The following SGMS1 variants were observed in gnomAD, a reference collection of about 807,000 sequenced individuals.
SGMS1 encodes the protein sphingomyelin synthase 1, also known as phosphatidylcholine:ceramide cholinephosphotransferase 1.
Under a neutral mutation model 46.2 loss-of-function variants are expected in SGMS1, and 13 were observed. The ratio of observed to expected loss-of-function variants is 0.28; its 90% CI spans 0.18 to 0.45. SGMS1 has a LOEUF of 0.45. SGMS1 is among the 20% of genes least tolerant of loss of function. SGMS1 has a pLI of 1.00. For synonymous variants in SGMS1, 203 were observed against 187.8 expected, an observed-to-expected ratio of 1.08 and a Z score of -0.66; for missense variants, 324 against 519.9, an observed-to-expected ratio of 0.62 and a Z score of 3.66.
chr10:50,415,984 T>C (rs1345976715), intron 6 of SGMS1, among the ~76,000 whole-genome samples: 1 of 152,134 alleles, frequency 6.6e-6, no homozygotes, highest in African/African-American at 2.4e-5. Flanking sequence ...AGAAGAAAGT[T>C]ACCGGAGTTC....
At chr10:50,416,687 C>A (rs1025914210) in intron 6 of SGMS1, among the ~76,000 whole-genome samples, 5 of 152,104 alleles carry the variant, frequency 3.3e-5, no homozygotes, top group Admixed American at 2.6e-4. Flanking sequence ...TTGATCAGTT[C>A]AACTCGGAGC....
intron 6 of SGMS1, among the ~76,000 whole-genome samples, chr10:50,372,289 A>G (rs1848448514): frequency 6.6e-6 from 1 of 152,236 alleles, no homozygotes; most frequent in South Asian, 2.1e-4. Flanking sequence ...GACCTATTAT[A>G]TTAACTTCCT....
intron 9 of SGMS1, among the ~76,000 whole-genome samples, chr10:50,308,772 A>C (rs1589378779): frequency 6.6e-6 from 1 of 152,306 alleles, no homozygotes; most frequent in South Asian, 2.1e-4. Flanking sequence ...AAACATCAAA[A>C]TTTCTATTAG....
At chr10:50,395,780 G>A (rs928379590) in intron 6 of SGMS1, among the ~76,000 whole-genome samples, 4 of 152,050 alleles carry the variant, frequency 2.6e-5, no homozygotes, top group East Asian at 1.9e-4. Context: ...TTGATGTTCC[G>A]GCATCACTTT....
chr10:50,613,916 A>G (rs1452968323), intron 1 of SGMS1, among the ~76,000 whole-genome samples: 1 of 152,204 alleles, frequency 6.6e-6, no homozygotes, highest in African/African-American at 2.4e-5. Context: ...CATTGTAGCT[A>G]TGTGACCTCG....
intron 2 of SGMS1, among the ~76,000 whole-genome samples, chr10:50,587,803 T>G (rs751743194): frequency 6.6e-6 from 1 of 152,062 alleles, no homozygotes. Flanking sequence ...TATTTAAGAG[T>G]CAACTGTAGT....
chr10:50,482,983 G>T (rs1361049055), intron 3 of SGMS1, among the ~76,000 whole-genome samples: 4 of 152,176 alleles, frequency 2.6e-5, no homozygotes, highest in Non-Finnish European at 5.9e-5. Context: ...ATGGTAAAGG[G>T]TTCAATTCCA....
At chr10:50,574,853 A>G (rs1028563780) in intron 2 of SGMS1, among the ~76,000 whole-genome samples, 11 of 151,748 alleles carry the variant, frequency 7.2e-5, no homozygotes, top group Non-Finnish European at 1.6e-4. Context: ...AATTACCCTG[A>G]TCTGATCACA....
chr10:50,503,172 T>C (rs1837676105), intron 3 of SGMS1, among the ~76,000 whole-genome samples: 1 of 152,216 alleles, frequency 6.6e-6, no homozygotes, highest in Admixed American at 6.5e-5. Context: ...TAGATGTTCA[T>C]CTTCCCTTGT....
intron 3 of SGMS1, among the ~76,000 whole-genome samples, chr10:50,510,803 T>G (rs1837747024): frequency 6.6e-6 from 1 of 152,166 alleles, no homozygotes; most frequent in South Asian, 2.1e-4. Context: ...ACGTTCAGAT[T>G]TCACTAGTTT....
intron 3 of SGMS1, among the ~76,000 whole-genome samples, chr10:50,487,322 G>C (rs934642279): frequency 1.3e-5 from 2 of 152,158 alleles, no homozygotes; most frequent in African/African-American, 4.8e-5. Context: ...AGCACACACA[G>C]GGTCTGTCAG....
intron 5 of SGMS1, among the ~76,000 whole-genome samples, chr10:50,434,544 G>A (rs555950326): frequency 4.6e-5 from 7 of 152,180 alleles, no homozygotes; most frequent in African/African-American, 1.4e-4. Context: ...GTTACCCAAA[G>A]CATAAAGGGA....
At chr10:50,614,252 G>C (rs1409933652) in intron 1 of SGMS1, among the ~76,000 whole-genome samples, 1 of 152,086 alleles carries the variant, frequency 6.6e-6, no homozygotes, top group African/African-American at 2.4e-5. Context: ...TCTCCACCTT[G>C]GGATCATCTC....
At chr10:50,518,806 A>G (rs1249761605) in intron 3 of SGMS1, among the ~76,000 whole-genome samples, 1 of 152,230 alleles carries the variant, frequency 6.6e-6, no homozygotes, top group African/African-American at 2.4e-5. Flanking sequence ...TTCATTCACT[A>G]TACAAGAAGA....
intron 9 of SGMS1, 125 bp downstream of exon 9, chr10:50,311,137 T>C (rs1847245689): frequency 8.8e-7 from 1 of 1,133,424 alleles, no homozygotes; most frequent in Non-Finnish European, 1.3e-6. Context: ...GAGATGAAGC[T>C]GCAAGCCTCC....
intron 6 of SGMS1, among the ~76,000 whole-genome samples, chr10:50,381,033 T>G (rs912101719): frequency 1.3e-5 from 2 of 151,096 alleles, no homozygotes; most frequent in African/African-American, 4.9e-5. Flanking sequence ...ATCTCACTGT[T>G]ACCCAGGCTA....
At chr10:50,573,395 A>G (rs2131861546) in intron 2 of SGMS1, among the ~76,000 whole-genome samples, 1 of 152,324 alleles carries the variant, frequency 6.6e-6, no homozygotes, top group South Asian at 2.1e-4. Context: ...CTGTACACCA[A>G]CAAAACAATC....
In SGMS1 at chr10:50,337,254, G is replaced by A. The variant is rs1052782799; in HGVS notation, c.623+6238C>T. Among the ~76,000 whole-genome samples the A allele has an allele frequency of 3.3e-5, 5 of 152,094 alleles. No individual in the cohort carries two copies. The East Asian group carries it at 5.8e-4, about 18-fold the overall frequency. ...TAACCCCCATTCAACTGTTCTGCTC[G>A]CTGCTATATCCATAGCACACAGTCC... On this transcript the variant is annotated intron_variant, in intron 7 of 10. Transcript: ENST00000361781.
At chr10:50,332,990 T>A (rs532783533) in intron 7 of SGMS1, among the ~76,000 whole-genome samples, 2 of 152,342 alleles carry the variant, frequency 1.3e-5, no homozygotes, top group Non-Finnish European at 2.9e-5. Flanking sequence ...AATTTCTTTC[T>A]CTGGCCTCTC....
Sources: gnomAD v4.1 joint callset for allele counts (sites outside exome capture counted in the v4.1 genomes callset) on GRCh38, gnomAD v4.1.1 for gene constraint, MANE v1.5 for transcripts, NCBI Gene and HGNC (gene_info 2026-07-23, HGNC 2026-07-21) for gene names.